Variants in TADA2A observed in about 807,000 individuals in gnomAD.
TADA2A encodes transcriptional adapter 2-alpha.
TADA2A carries 38 observed loss-of-function variants against 67.4 expected under a neutral mutation model. The ratio of observed to expected loss-of-function variants is 0.56; its 90% confidence interval spans 0.44 to 0.74. The LOEUF (loss-of-function observed/expected upper bound fraction) is 0.74. TADA2A is among the 30% of genes least tolerant of loss of function. The pLI, the probability that TADA2A is intolerant of heterozygous loss-of-function variation, is 0.00. For missense variants in TADA2A, 454 were observed against 547.0 expected, an observed-to-expected ratio of 0.83 and a Z score of 1.70; for synonymous variants, 192 against 181.6, an observed-to-expected ratio of 1.06 and a Z score of -0.46.
At chr17:37,472,870 ATAAAT>A (rs2053819356) in intron 14 of TADA2A, among the ~76,000 whole-genome samples, 1 of 151,840 alleles carries the variant, frequency 6.6e-6, no homozygotes, top group Non-Finnish European at 1.5e-5. Context: ...CAAAAAATAA[ATAAAT>A]TAATTAATTA....
chr17:37,447,797 G>A (rs1238924128), intron 8 of TADA2A, among the ~76,000 whole-genome samples: 4 of 152,156 alleles, frequency 2.6e-5, no homozygotes, highest in African/African-American at 9.7e-5. Flanking sequence ...AACACTCAGT[G>A]AAGTGCACTA....
intron 8 of TADA2A, among the ~76,000 whole-genome samples, chr17:37,455,219 T>A (rs1413151922): frequency 1.3e-5 from 2 of 151,978 alleles, no homozygotes; most frequent in African/African-American, 4.8e-5. Flanking sequence ...AAAGGTTTAA[T>A]GTAGCATAGT....
intron 11 of TADA2A, among the ~76,000 whole-genome samples, chr17:37,466,327 G>A (rs1443346843): frequency 1.3e-5 from 2 of 152,178 alleles, no homozygotes; most frequent in Non-Finnish European, 2.9e-5. Context: ...GGCTGAGGTG[G>A]GAGGATTGCT....
intron 2 of TADA2A, among the ~76,000 whole-genome samples, chr17:37,417,385 A>T (rs1445963821): frequency 6.6e-6 from 1 of 151,580 alleles, no homozygotes; most frequent in Non-Finnish European, 1.5e-5. Flanking sequence ...CAAAAAAAAA[A>T]AATTAGCTGG....
chr17:37,422,484 T>TGATGATGATGATGATG (rs2052270998), intron 2 of TADA2A, among the ~76,000 whole-genome samples: 7,169 of 85,614 alleles, frequency 0.084, 186 homozygotes, highest in Middle Eastern at 0.1. Context: ...CCCAGCTGAT[T>TGATGATGATGATGATG]ATTATTATTA....
At chr17:37,424,678 T>A (rs1233169695) in intron 3 of TADA2A, among the ~76,000 whole-genome samples, 1 of 151,688 alleles carries the variant, frequency 6.6e-6, no homozygotes, top group Non-Finnish European at 1.5e-5. Flanking sequence ...TGCCTCAGCC[T>A]CCTGAGTAGC....
At chr17:37,451,976 CTG>C (rs1303643462) in intron 8 of TADA2A, among the ~76,000 whole-genome samples, 5 of 150,858 alleles carry the variant, frequency 3.3e-5, no homozygotes, top group African/African-American at 1.2e-4. Flanking sequence ...AAGAGCAAAA[CTG>C]TCTCAAAAAT....
intron 2 of TADA2A, among the ~76,000 whole-genome samples, chr17:37,422,752 T>C (rs2052284756): frequency 6.6e-6 from 1 of 152,156 alleles, no homozygotes; most frequent in South Asian, 2.1e-4. Flanking sequence ...TGCACCCACC[T>C]TGGCCTCCCA....
In TADA2A at chr17:37,474,643, G is replaced by T; in HGVS notation, c.1146+14G>T. Reference sequence around the variant, plus strand: ...AAAGAAAAGGAGGTAACAAAAGGGAGGGGGCTGGGAGAAAGAGAATAGGGG... The same window carrying T: ...AAAGAAAAGGAGGTAACAAAAGGGATGGGGCTGGGAGAAAGAGAATAGGGG... On this transcript the variant is annotated intron_variant, in intron 15 of 15. Coordinates refer to ENST00000615182, the MANE Select transcript of TADA2A (RefSeq NM_001166105.3). The T allele has an allele frequency of 6.2e-7, 1 of 1,606,458 alleles. No individual in the cohort carries two copies. The highest frequency in any genetic ancestry group is 8.5e-7 in the Non-Finnish European group (1 of 1,175,610).
In TADA2A at chr17:37,478,811, G is replaced by C. The variant is rs1458069023; in HGVS notation, c.*1829G>C. 1.3e-5 allele frequency: 2 copies of C among 152,164 alleles called. No individual in the cohort carries two copies. Among genetic ancestry groups the C allele is most frequent in the African/African-American group, 4.8e-5 (2 of 41,432 alleles). The allele number at this position is 152,164 out of a possible 1,614,324, so 9.4% of individuals were successfully genotyped here. ...ACTGTTGTAAATATGCATGCAGCTG[G>C]GAAGGGATTCATCTAAGGGATAAGA... On this transcript the variant is annotated 3_prime_UTR_variant, in exon 16 of 16. Transcript: ENST00000615182.
chr17:37,431,863 G>A (rs763269173), intron 4 of TADA2A, among the ~76,000 whole-genome samples: 2 of 152,040 alleles, frequency 1.3e-5, no homozygotes, highest in Non-Finnish European at 2.9e-5. Context: ...ACTGCACCCA[G>A]CCTAAACCAT....
rs1380444039 is a variant in TADA2A, at chr17:37,470,394, C to T, written c.896-6C>T. On this transcript the variant is annotated splice_region_variant and splice_polypyrimidine_tract_variant and intron_variant, in intron 12 of 15. Transcript: ENST00000615182. ...ATTGTGGTCATTGTGTTTTCTATACCCCCAGGTGCCAGAACCTACGATCAC... is the reference window on the plus strand; with the variant it reads ...ATTGTGGTCATTGTGTTTTCTATACTCCCAGGTGCCAGAACCTACGATCAC... The T allele has an allele frequency of 6.2e-7, 1 of 1,613,024 alleles. No individual in the cohort carries two copies.
At chr17:37,457,337 C>T (rs537733161) in intron 8 of TADA2A, among the ~76,000 whole-genome samples, 16 of 149,898 alleles carry the variant, frequency 1.1e-4, no homozygotes, top group East Asian at 4.0e-4. Context: ...CTTGCCACCA[C>T]GCCCAGCCAA....
Position 37,477,039 on chromosome 17 carries a change from C to A in TADA2A, c.*57C>A. ...GTTTGGAATGTGGTGGGTCAAAGGA[C>A]AATATGGGTGGGCATTCTGGAGAGT... is the stretch of plus-strand genomic sequence containing the variant. On this transcript the variant is annotated 3_prime_UTR_variant, in exon 16 of 16. Coordinates refer to ENST00000615182, the MANE Select transcript of TADA2A (RefSeq NM_001166105.3). 1 of 1,522,262 alleles carries A rather than the reference C, an allele frequency of 6.6e-7. No homozygotes were observed. Among genetic ancestry groups the A allele is most frequent in the Non-Finnish European group, 8.9e-7 (1 of 1,123,524 alleles). 94.3% of individuals were successfully genotyped at this position (1,522,262 alleles called of 1,614,324 possible). A position where few individuals can be genotyped will look rare whatever the true frequency, so the allele number is the denominator to read the frequency against.
At position 37,442,557 on chromosome 17, in the gene TADA2A, C is replaced by A. The variant is rs1177428655; in HGVS notation, c.443-7C>A. On this transcript the variant is annotated splice_region_variant and splice_polypyrimidine_tract_variant and intron_variant, in intron 6 of 15. Transcript: ENST00000615182. Reference sequence around the variant, plus strand: ...AGTTAACTCAGAAACCTTCTAAATTCTTCCAGCTACAGATGACCCTCCCCG... The same window carrying A: ...AGTTAACTCAGAAACCTTCTAAATTATTCCAGCTACAGATGACCCTCCCCG... The A allele has an allele frequency of 1.2e-6, 2 of 1,612,132 alleles. No individual in the cohort carries two copies. Among genetic ancestry groups the A allele is most frequent in the Non-Finnish European group, 1.7e-6 (2 of 1,178,942 alleles).
chr17:37,423,574 T>C lies in TADA2A; in HGVS notation c.91T>C (p.Cys31Arg). ...CTACCTCATGGAGCCTTATATCAAG[T>C]GTGCTGAATGTGGGCCACCTCCTTT... ...SSYLMEPYIK[C>R]AECGPPPFFL... is the part of the protein sequence containing the mutation. The change falls in exon 3 of 16, where the codon TGT (cysteine) becomes CGT (arginine). Residue 31 changes from cysteine (C) to arginine (R), a missense_variant. Cys to Arg is a radical substitution (Grantham distance 180). This residue lies in a region of TADA2A where 403 missense variants were observed against 455.5 expected (regional missense o/e 0.88). Transcript: ENST00000615182. 3 of 1,613,498 alleles carry C rather than the reference T, an allele frequency of 1.9e-6. No individual in the cohort carries two copies. Among genetic ancestry groups the C allele is most frequent in the Non-Finnish European group, 2.5e-6 (3 of 1,179,904 alleles).
intron 8 of TADA2A, among the ~76,000 whole-genome samples, chr17:37,453,762 T>G (rs1275180523): frequency 2.1e-5 from 1 of 47,664 alleles, no homozygotes; most frequent in Non-Finnish European, 3.9e-5. Flanking sequence ...ATAACTGATT[T>G]TTTTTTTTTT....
At chr17:37,421,329 A>G (rs1486717886) in intron 2 of TADA2A, among the ~76,000 whole-genome samples, 1 of 145,770 alleles carries the variant, frequency 6.9e-6, no homozygotes, top group African/African-American at 2.5e-5. Flanking sequence ...GTGAGCCATG[A>G]TCTCACCACT....
chr17:37,453,460 A>G (rs1216344488), intron 8 of TADA2A, among the ~76,000 whole-genome samples: 3 of 152,170 alleles, frequency 2.0e-5, no homozygotes, highest in Admixed American at 2.0e-4. Flanking sequence ...CCATGGAGGC[A>G]CCTTCAGGGA....
Sources: allele counts gnomAD v4.1 joint callset (sites outside exome capture counted in the v4.1 genomes callset), GRCh38; gene constraint gnomAD v4.1.1; regional missense constraint gnomAD v4.1.1; transcripts MANE v1.5; gene names NCBI Gene and HGNC (gene_info 2026-07-23, HGNC 2026-07-21).